FUT8: variants seen among roughly 807,000 people sequenced by gnomAD.
The protein encoded by FUT8 is fucosyltransferase 8.
In FUT8, 29 loss-of-function variants were observed where a neutral mutation model predicts 71.3. The observed-to-expected ratio is 0.41, with a 90% CI of 0.30 to 0.55. FUT8 has a LOEUF of 0.55. Among genes scored for constraint, FUT8 ranks in the 20% least tolerant of loss-of-function variants. The probability of loss-of-function intolerance (pLI) is 0.34; values close to 1 mark genes in which losing one functional copy is unlikely to be tolerated. For missense variants in FUT8, 544 were observed against 702.1 expected (o/e 0.77, Z 2.55); for synonymous variants, 254 against 239.3 (o/e 1.06, Z -0.57).
Position 65,439,954 on chromosome 14 carries a change from G to GTGTACATATATATATA in FUT8, c.-325-15666_-325-15665insGTACATATATATATAT. Among the ~76,000 whole-genome samples, 327 of 74,970 alleles carry GTGTACATATATATATA rather than the reference G, an allele frequency of 4.4e-3. 12 individuals are homozygous for GTGTACATATATATATA. Among genetic ancestry groups the GTGTACATATATATATA allele is most frequent in the Middle Eastern group, 0.015 (2 of 136 alleles). The allele number at this position is 74,970 out of a possible 152,430, so 49.2% of individuals were successfully genotyped here. ...ATAAAGAAAATGTGTGTGTGTGTGT[G>GTGTACATATATATATA]TATATATATATATATATATATATAT... On this transcript the variant is annotated intron_variant, in intron 1 of 10. Transcript: ENST00000673929.
intron 3 of FUT8, among the ~76,000 whole-genome samples, chr14:65,601,820 T>G (rs1888302009): frequency 6.6e-6 from 1 of 152,156 alleles, no homozygotes; most frequent in South Asian, 2.1e-4. Flanking sequence ...TGTTAAAGAG[T>G]ACTTCAAATA....
chr14:65,440,638 C>T (rs2139482988), intron 1 of FUT8, among the ~76,000 whole-genome samples: 1 of 151,892 alleles, frequency 6.6e-6, no homozygotes, highest in East Asian at 1.9e-4. Flanking sequence ...TTCTATTTGC[C>T]AATTAAAATG....
intron 1 of FUT8, among the ~76,000 whole-genome samples, chr14:65,444,658 T>G (rs1182590962): frequency 6.6e-6 from 1 of 152,238 alleles, no homozygotes; most frequent in African/African-American, 2.4e-5. Context: ...TGGAGGAATC[T>G]CGAAGACATT....
chr14:65,629,660 A>G, intron 6 of FUT8, 54 bp downstream of exon 6: 1 of 1,214,508 alleles, frequency 8.2e-7, no homozygotes, highest in Non-Finnish European at 1.2e-6. Context: ...GGATCATAAT[A>G]TAACTAAGAG....
At chr14:65,679,371 T>C (rs61987767) in intron 7 of FUT8, among the ~76,000 whole-genome samples, 2,678 of 152,348 alleles carry the variant, frequency 0.018, 38 homozygotes, top group Non-Finnish European at 0.025. Context: ...CTGCATTCTT[T>C]GGAAATATAA....
Position 65,494,140 on chromosome 14 carries a change from A to G in FUT8, c.-228+38422A>G, listed in dbSNP as rs982470742. Among the ~76,000 whole-genome samples the G allele has an allele frequency of 2.6e-5, 4 of 152,280 alleles. No homozygotes were observed. The South Asian group carries it at 6.2e-4, about 24-fold the overall frequency. On this transcript the variant is annotated intron_variant, in intron 2 of 10. Coordinates refer to ENST00000673929, the MANE Select transcript of FUT8 (RefSeq NM_001371533.1). ...AAATGTAGAGTGAACCACACATGTAATTTTTTAACTTTTTGTTAGCTACAT... is the reference window on the plus strand; with the variant it reads ...AAATGTAGAGTGAACCACACATGTAGTTTTTTAACTTTTTGTTAGCTACAT...
Position 65,431,842 on chromosome 14 carries a change from CATTA to C in FUT8, c.-326+18634_-326+18637del, listed in dbSNP as rs72087369. On this transcript the variant is annotated intron_variant, in intron 1 of 10. Coordinates refer to ENST00000673929, the MANE Select transcript of FUT8 (RefSeq NM_001371533.1). ...CTTCTACTGTTAGAATGTATAGGATCATTAATTAACTCTTTTATCATTTTTATTT... is the reference window on the plus strand; with the variant it reads ...CTTCTACTGTTAGAATGTATAGGATCATTAACTCTTTTATCATTTTTATTT... 2.9e-3 allele frequency among the ~76,000 whole-genome samples: 434 copies of C among 152,146 alleles called. 3 individuals are homozygous for C. Among genetic ancestry groups the C allele is most frequent in the African/African-American group, 0.01 (422 of 41,518 alleles).
intron 3 of FUT8, among the ~76,000 whole-genome samples, chr14:65,585,435 A>G (rs368104590): frequency 3.9e-5 from 6 of 152,234 alleles, no homozygotes. Flanking sequence ...AGTCCTCCCA[A>G]CGTGGCCTCC....
chr14:65,364,972 A>G, the FUT8 span, among the ~76,000 whole-genome samples: 11 of 152,192 alleles, frequency 7.2e-5, no homozygotes, highest in Non-Finnish European at 1.6e-4. Context: ...TTGGCCGTGT[A>G]CAGTACATCC....
At position 65,458,831 on chromosome 14, in the gene FUT8, C is replaced by G. The variant is rs149476332; in HGVS notation, c.-228+3113C>G. ...TTGAGACAAGAATCTCTCTGCCACT[C>G]AGGCTGGAGTGCAGTGGCTCAATTT... On this transcript the variant is annotated intron_variant, in intron 2 of 10. Coordinates refer to ENST00000673929, the MANE Select transcript of FUT8 (RefSeq NM_001371533.1). 8.2e-4 allele frequency among the ~76,000 whole-genome samples: 121 copies of G among 147,488 alleles called. 1 individual carries two copies. The highest frequency in any genetic ancestry group is 3.5e-3 in the Middle Eastern group (1 of 282).
chr14:65,516,629 T>C (rs1026250516), intron 2 of FUT8, among the ~76,000 whole-genome samples: 2 of 152,166 alleles, frequency 1.3e-5, no homozygotes, highest in African/African-American at 2.4e-5. Flanking sequence ...TAATTTAATG[T>C]TAACTACTAG....
chr14:65,430,966 G>T (rs2065463478), intron 1 of FUT8, among the ~76,000 whole-genome samples: 1 of 151,478 alleles, frequency 6.6e-6, no homozygotes, highest in Admixed American at 6.6e-5. Flanking sequence ...TTCCTATAGG[G>T]GCTATTTCAG....
Position 65,561,680 on chromosome 14 carries a change from T to C in FUT8, c.117T>C (p.Ser39=), listed in dbSNP as rs758918993. ...GAGATAATGACCATCCTGATCACTCTAGCCGAGAACTGTCCAAGATTCTGG... is the reference window on the plus strand; with the variant it reads ...GAGATAATGACCATCCTGATCACTCCAGCCGAGAACTGTCCAAGATTCTGG... ...LVRDNDHPDH[S]SRELSKILAK... The change falls in exon 3 of 11, where the codon TCT becomes TCC. Residue 39 remains serine, a synonymous_variant. Coordinates refer to ENST00000673929, the MANE Select transcript of FUT8 (RefSeq NM_001371533.1). 1.2e-6 allele frequency: 2 copies of C among 1,613,648 alleles called. No homozygotes were observed. Among genetic ancestry groups the C allele is most frequent in the African/African-American group, 1.3e-5 (1 of 75,014 alleles).
chr14:65,720,393 G>A (rs61987776), intron 7 of FUT8, among the ~76,000 whole-genome samples: 9,036 of 152,298 alleles, frequency 0.059, 328 homozygotes, highest in Admixed American at 0.11. Context: ...GGCAGGTCCA[G>A]GAGTGCCATA....
chr14:65,661,688 T>C (rs530576293), intron 6 of FUT8, among the ~76,000 whole-genome samples: 25 of 152,320 alleles, frequency 1.6e-4, no homozygotes, highest in African/African-American at 6.0e-4. Context: ...TTTTGTAATA[T>C]GTTGTAATTC....
At chr14:65,462,378 A>G (rs1053229468) in intron 2 of FUT8, among the ~76,000 whole-genome samples, 1 of 152,192 alleles carries the variant, frequency 6.6e-6, no homozygotes, top group African/African-American at 2.4e-5. Context: ...AGGTCACTTA[A>G]AGTTAGAAAA....
At chr14:65,369,060 AT>A in the FUT8 span, among the ~76,000 whole-genome samples, 1 of 152,254 alleles carries the variant, frequency 6.6e-6, no homozygotes, top group Non-Finnish European at 1.5e-5. The surrounding 1 kb of genome is among the most constrained non-coding windows in gnomAD (Gnocchi z 4.6). Context: ...GATATTTTAC[AT>A]TTTTTATACT....
intron 9 of FUT8, among the ~76,000 whole-genome samples, chr14:65,729,901 T>C (rs989060675): frequency 1.3e-5 from 2 of 152,186 alleles, no homozygotes; most frequent in Non-Finnish European, 2.9e-5. Flanking sequence ...TTATGCATAA[T>C]TTTTTCTCTT....
intron 6 of FUT8, among the ~76,000 whole-genome samples, chr14:65,644,316 A>T (rs1020442347): frequency 1.3e-5 from 2 of 151,820 alleles, no homozygotes; most frequent in Non-Finnish European, 2.9e-5. Flanking sequence ...TTTGAGACGG[A>T]GTCTCACTCT....
Sources: allele counts gnomAD v4.1 joint callset (sites outside exome capture counted in the v4.1 genomes callset), GRCh38; gene constraint gnomAD v4.1.1; non-coding constraint Gnocchi (gnomAD v3.1); transcripts MANE v1.5; gene names NCBI Gene and HGNC (gene_info 2026-07-23, HGNC 2026-07-21).